Variants in FER observed in about 807,000 individuals in gnomAD.
The protein encoded by FER is tyrosine-protein kinase Fer.
Under a neutral mutation model 111.0 loss-of-function variants are expected in FER, and 63 were observed. The observed-to-expected ratio is 0.57, with a 90% confidence interval of 0.46 to 0.70. The LOEUF (loss-of-function observed/expected upper bound fraction) is 0.70, where lower values mean the gene tolerates loss of function less well. Ranked by LOEUF, FER falls within the 30% of genes least tolerant of loss-of-function variation. FER has a pLI of 0.00. For synonymous variants in FER, 327 were observed against 313.9 expected, an observed-to-expected ratio of 1.04 and a Z score of -0.44; for missense variants, 914 against 954.0, an observed-to-expected ratio of 0.96 and a Z score of 0.55.
chr5:108,953,675 C>T (rs1343622680), intron 11 of FER, among the ~76,000 whole-genome samples: 2 of 151,912 alleles, frequency 1.3e-5, no homozygotes, highest in Admixed American at 6.6e-5. Context: ...ATACTTTGGC[C>T]CTACCTAGAA....
At chr5:109,014,633 C>T (rs59699586) in intron 13 of FER, among the ~76,000 whole-genome samples, 7,916 of 152,062 alleles carry the variant, frequency 0.052, 460 homozygotes, top group African/African-American at 0.14. Context: ...TCATTGGTAG[C>T]TTGATGGGGA....
Position 108,756,168 on chromosome 5 carries a change from A to T in FER, c.-206+8168A>T, listed in dbSNP as rs866546731. Among the ~76,000 whole-genome samples the T allele has an allele frequency of 5.5e-3, 821 of 149,970 alleles. 7 individuals carry two copies. The highest frequency in any genetic ancestry group is 0.016 in the African/African-American group (639 of 40,404). On this transcript the variant is annotated intron_variant, in intron 1 of 19. Transcript: ENST00000281092. Reference sequence around the variant, plus strand: ...AGAAACTCCATCTCAAAAAAAAAAAAAAAAATAATAATAATAAATACAATA... The same window carrying T: ...AGAAACTCCATCTCAAAAAAAAAAATAAAAATAATAATAATAAATACAATA...
chr5:109,069,492 G>C (rs1477838281), intron 16 of FER, among the ~76,000 whole-genome samples: 2 of 152,152 alleles, frequency 1.3e-5, no homozygotes, highest in Non-Finnish European at 2.9e-5. Context: ...GGAAACCAGA[G>C]TATGTAAGAC....
intron 8 of FER, among the ~76,000 whole-genome samples, chr5:108,872,637 G>A (rs1391390205): frequency 6.6e-6 from 1 of 152,102 alleles, no homozygotes; most frequent in African/African-American, 2.4e-5. Flanking sequence ...TTCTCTTGAA[G>A]CAGGGATGTC....
At chr5:108,764,882 CA>C (rs2149945601) in intron 1 of FER, among the ~76,000 whole-genome samples, 1 of 152,186 alleles carries the variant, frequency 6.6e-6, no homozygotes, top group South Asian at 2.1e-4. Flanking sequence ...GCCTAGGACA[CA>C]AAATATGAGA....
At position 108,889,997 on chromosome 5, in the gene FER, A is replaced by G. The variant is rs115631727; in HGVS notation, c.1046+6479A>G. Among the ~76,000 whole-genome samples, 929 of 152,188 alleles carry G rather than the reference A, an allele frequency of 6.1e-3. 14 individuals carry two copies. Among genetic ancestry groups the G allele is most frequent in the African/African-American group, 0.022 (895 of 41,540 alleles). ...CTCAATGGTAGCATCTTGTAAAACC[A>G]TAAAATAATATCACAACCCAGATAC... On this transcript the variant is annotated intron_variant, in intron 9 of 19. Coordinates refer to ENST00000281092, the MANE Select transcript of FER (RefSeq NM_005246.4).
At chr5:109,114,471 G>A (rs1046206655) in intron 17 of FER, among the ~76,000 whole-genome samples, 2 of 151,900 alleles carry the variant, frequency 1.3e-5, no homozygotes, top group Non-Finnish European at 2.9e-5. Context: ...ATCATGCAGG[G>A]TTTTAACTTG....
At chr5:108,974,706 G>T (rs1467639291) in intron 13 of FER, among the ~76,000 whole-genome samples, 1 of 152,202 alleles carries the variant, frequency 6.6e-6, no homozygotes, top group Non-Finnish European at 1.5e-5. Flanking sequence ...ACCTGGAAGA[G>T]GAAGGTAGAA....
rs184890559 is a variant in FER at position 109,192,497 on chromosome 5, G to A, written c.*4922G>A. Reference sequence around the variant, plus strand: ...ATTCCCAGCTCAGAGATGATTGTGTGCTGGGAAATGCTTATATTCATTATT... The same window carrying A: ...ATTCCCAGCTCAGAGATGATTGTGTACTGGGAAATGCTTATATTCATTATT... On this transcript the variant is annotated 3_prime_UTR_variant, in exon 20 of 20. Coordinates refer to ENST00000281092, the MANE Select transcript of FER (RefSeq NM_005246.4). The A allele has an allele frequency of 1.2e-4, 19 of 152,298 alleles. No individual in the cohort carries two copies. The highest frequency in any genetic ancestry group is 2.1e-4 in the Non-Finnish European group (14 of 68,022). 9.4% of individuals were successfully genotyped at this position (152,298 alleles called of 1,614,324 possible). A position where few individuals can be genotyped will look rare whatever the true frequency, so the allele number is the denominator to read the frequency against.
chr5:109,170,050 C>T (rs1439371843), intron 17 of FER, among the ~76,000 whole-genome samples: 1 of 152,160 alleles, frequency 6.6e-6, no homozygotes, highest in Non-Finnish European at 1.5e-5. Flanking sequence ...CTCATTATGG[C>T]ACCTTGTGCA....
chr5:109,115,543 C>A (rs551168196), intron 17 of FER, among the ~76,000 whole-genome samples: 4 of 152,178 alleles, frequency 2.6e-5, no homozygotes, highest in South Asian at 2.1e-4. Context: ...TAATTGTTAT[C>A]TTATCCTCAA....
intron 13 of FER, among the ~76,000 whole-genome samples, chr5:108,964,147 G>C (rs1361935448): frequency 6.6e-6 from 1 of 152,070 alleles, no homozygotes; most frequent in East Asian, 1.9e-4. Context: ...TATTTACTTA[G>C]TACTCACTCT....
intron 2 of FER, among the ~76,000 whole-genome samples, chr5:108,790,794 T>A (rs996848040): frequency 4.6e-5 from 7 of 152,230 alleles, no homozygotes; most frequent in Admixed American, 4.6e-4. Context: ...CAGCACCCAC[T>A]AACAGTCATT....
chr5:108,953,800 T>C, intron 11 of FER, among the ~76,000 whole-genome samples: 1 of 152,082 alleles, frequency 6.6e-6, no homozygotes, highest in East Asian at 1.9e-4. Context: ...TATTGTATTT[T>C]GAGAACCTTA....
At chr5:109,100,289 T>C (rs539330892) in intron 16 of FER, 107 bp from the exon 17 acceptor site, 1 of 1,354,276 alleles carries the variant, frequency 7.4e-7, no homozygotes, top group South Asian at 1.3e-5. Context: ...CATGGCCAAA[T>C]GTGTAATGCA....
chr5:109,180,596 C>T, intron 17 of FER, 151 bp from the exon 18 acceptor site: 4 of 810,992 alleles, frequency 4.9e-6, no homozygotes, highest in African/African-American at 1.8e-5. Flanking sequence ...TTACCTATGA[C>T]AGAAAAGATG....
chr5:108,801,980 C>T (rs1209572979), intron 3 of FER, among the ~76,000 whole-genome samples: 1 of 152,146 alleles, frequency 6.6e-6, no homozygotes, highest in African/African-American at 2.4e-5. Flanking sequence ...GATTCATATC[C>T]TGGGCAGGAC....
chr5:109,102,464 G>T (rs776215127), intron 17 of FER, among the ~76,000 whole-genome samples: 2 of 152,092 alleles, frequency 1.3e-5, no homozygotes, highest in African/African-American at 4.8e-5. Context: ...GCCATAAAGA[G>T]TCCAGTGATC....
intron 17 of FER, among the ~76,000 whole-genome samples, chr5:109,109,069 A>G (rs1749294566): frequency 6.6e-6 from 1 of 152,136 alleles, no homozygotes; most frequent in African/African-American, 2.4e-5. Context: ...ATATCTATTA[A>G]GTGTAAGCAT....
Sources: gnomAD v4.1 joint callset for allele counts (sites outside exome capture counted in the v4.1 genomes callset) on GRCh38, gnomAD v4.1.1 for gene constraint, MANE v1.5 for transcripts, NCBI Gene and HGNC (gene_info 2026-07-23, HGNC 2026-07-21) for gene names.